Variants in NBAS observed in about 807,000 individuals in gnomAD.
NBAS encodes the protein NBAS subunit of NRZ tethering complex, also known as NAG/BC035112 fusion.
NBAS carries 219 observed loss-of-function variants against 302.5 expected under a neutral mutation model. That is an observed-to-expected ratio of 0.72 (90% CI 0.65 to 0.81). NBAS has a LOEUF of 0.81. NBAS is among the 30% of genes least tolerant of loss of function. The probability of loss-of-function intolerance (pLI) is 0.00; values close to 1 mark genes in which losing one functional copy is unlikely to be tolerated. For missense variants in NBAS, 2,932 were observed against 2,841.6 expected (o/e 1.03, Z -0.72); for synonymous variants, 1,118 against 1,021.6 (o/e 1.09, Z -1.80).
chr2:15,500,731 G>T (rs1661486488), intron 11 of NBAS, among the ~76,000 whole-genome samples: 1 of 149,122 alleles, frequency 6.7e-6, no homozygotes, highest in African/African-American at 2.5e-5. Context: ...GAACATTCTG[G>T]CTAACACGGT....
At chr2:14,832,418 G>A in the NBAS span, among the ~76,000 whole-genome samples, 695 of 152,290 alleles carry the variant, frequency 4.6e-3, 5 homozygotes, top group African/African-American at 0.016. Flanking sequence ...AGGGAAGGAT[G>A]ACAGACAGTC....
chr2:15,009,805 C>G, the NBAS span, among the ~76,000 whole-genome samples: 1 of 151,416 alleles, frequency 6.6e-6, no homozygotes, highest in Non-Finnish European at 1.5e-5. Flanking sequence ...TAGAGCGATT[C>G]CCCACAGGAC....
At chr2:15,525,779 T>C (rs1415127039) in intron 9 of NBAS, among the ~76,000 whole-genome samples, 1 of 152,174 alleles carries the variant, frequency 6.6e-6, no homozygotes, top group Non-Finnish European at 1.5e-5. Context: ...CAAAATCAGA[T>C]GTTGCTTATA....
At chr2:15,088,491 T>C in the NBAS span, among the ~76,000 whole-genome samples, 7 of 152,320 alleles carry the variant, frequency 4.6e-5, no homozygotes, top group East Asian at 3.9e-4. Flanking sequence ...TCCTCTTCTG[T>C]GATAGAGTCT....
At chr2:14,811,936 G>T in the NBAS span, among the ~76,000 whole-genome samples, 1 of 152,162 alleles carries the variant, frequency 6.6e-6, no homozygotes, top group South Asian at 2.1e-4. Context: ...GAAATCATGA[G>T]CCCCATTTTA....
the NBAS span, among the ~76,000 whole-genome samples, chr2:15,117,535 A>G: frequency 6.6e-6 from 1 of 152,182 alleles, no homozygotes; most frequent in African/African-American, 2.4e-5. Flanking sequence ...CTAGAGGAAA[A>G]AAGTAGGGCC....
At chr2:14,798,383 CATAG>C in the NBAS span, among the ~76,000 whole-genome samples, 22 of 152,066 alleles carry the variant, frequency 1.4e-4, no homozygotes, top group Non-Finnish European at 2.5e-4. Context: ...CAGTGAATTA[CATAG>C]ATAGATGTTT....
chr2:15,420,806 G>A (rs1441431951), intron 23 of NBAS, among the ~76,000 whole-genome samples: 2 of 152,020 alleles, frequency 1.3e-5, no homozygotes, highest in Admixed American at 1.3e-4. Flanking sequence ...GAAGTGGTGG[G>A]GTAAAAGGAG....
intron 41 of NBAS, among the ~76,000 whole-genome samples, chr2:15,288,390 G>T (rs1670154641): frequency 6.6e-6 from 1 of 152,114 alleles, no homozygotes; most frequent in African/African-American, 2.4e-5. Context: ...CAAGTAGGAG[G>T]ATAAACACAC....
At chr2:15,178,633 T>C (rs541849895) in intron 51 of NBAS, among the ~76,000 whole-genome samples, 2 of 152,310 alleles carry the variant, frequency 1.3e-5, no homozygotes, top group South Asian at 4.1e-4. Context: ...TGTGCAATGA[T>C]GGGAGTTCCC....
the NBAS span, among the ~76,000 whole-genome samples, chr2:14,827,256 C>T: frequency 6.6e-6 from 1 of 152,326 alleles, no homozygotes; most frequent in South Asian, 2.1e-4. Flanking sequence ...GATTTGGTTT[C>T]ATCAAAATAT....
intron 42 of NBAS, among the ~76,000 whole-genome samples, chr2:15,280,299 A>G (rs1226586487): frequency 6.6e-6 from 1 of 152,136 alleles, no homozygotes; most frequent in Non-Finnish European, 1.5e-5. Context: ...GAGTGATTAT[A>G]AAATTTCATT....
rs926766825 is a variant in NBAS at position 15,276,936 on chromosome 2, G to A, written c.5304C>T (p.Asn1768=). 14 of 1,614,074 alleles carry A rather than the reference G, an allele frequency of 8.7e-6. No individual in the cohort carries two copies. Among genetic ancestry groups the A allele is most frequent in the Non-Finnish European group, 1.2e-5 (14 of 1,179,994 alleles). Residue 1768 remains asparagine, a synonymous_variant, in exon 43 of 52, where the codon AAC becomes AAT. Transcript: ENST00000281513. Reference sequence around the variant, plus strand: ...AGTTCCCCAAATCTGCACAGCCACAGTTTTCCAGAAGAGTGAAATAATACT... The same window carrying A: ...AGTTCCCCAAATCTGCACAGCCACAATTTTCCAGAAGAGTGAAATAATACT... ...RLQYYFTLLE[N]CGCADLGNCA...
chr2:14,938,559 T>C, the NBAS span, among the ~76,000 whole-genome samples: 7 of 152,210 alleles, frequency 4.6e-5, no homozygotes, highest in Admixed American at 4.6e-4. Context: ...GAAGACTAAC[T>C]ATGATTTACA....
intron 12 of NBAS, among the ~76,000 whole-genome samples, chr2:15,478,554 A>G (rs1680290522): frequency 6.6e-6 from 1 of 152,220 alleles, no homozygotes; most frequent in African/African-American, 2.4e-5. Context: ...TACAATCAAT[A>G]CATATGAAAG....
intron 44 of NBAS, among the ~76,000 whole-genome samples, chr2:15,248,714 G>T (rs1396476809): frequency 6.6e-6 from 1 of 152,074 alleles, no homozygotes; most frequent in Non-Finnish European, 1.5e-5. Flanking sequence ...AGAAAATCTA[G>T]AAGAAATGGA....
intron 32 of NBAS, 138 bp from the exon 33 acceptor site, chr2:15,356,554 G>A (rs1189298606): frequency 7.0e-6 from 5 of 718,760 alleles, no homozygotes; most frequent in Non-Finnish European, 1.2e-5. Context: ...AGAGGAAAAA[G>A]TTGCTTTGAC....
At chr2:14,924,979 C>T in the NBAS span, among the ~76,000 whole-genome samples, 3 of 152,176 alleles carry the variant, frequency 2.0e-5, no homozygotes, top group Admixed American at 2.0e-4. Flanking sequence ...TCTGCCTACT[C>T]AGAGACTGAC....
intron 42 of NBAS, among the ~76,000 whole-genome samples, chr2:15,279,026 C>T (rs188839511): frequency 6.6e-6 from 1 of 152,186 alleles, no homozygotes; most frequent in East Asian, 1.9e-4. Context: ...AGTGTACACA[C>T]AGTAGTATGG....
Sources: gnomAD v4.1 joint callset for allele counts (sites outside exome capture counted in the v4.1 genomes callset) on GRCh38, gnomAD v4.1.1 for gene constraint, MANE v1.5 for transcripts, NCBI Gene and HGNC (gene_info 2026-07-23, HGNC 2026-07-21) for gene names.